GALNTL6: variants seen among roughly 807,000 people sequenced by gnomAD.
The protein encoded by GALNTL6 is polypeptide N-acetylgalactosaminyltransferase like 6, also known as polypeptide N-acetylgalactosaminyltransferase-like 6.
A neutral mutation model predicts 73.7 loss-of-function variants in GALNTL6; 46 were observed. That is an observed-to-expected ratio of 0.62 (90% CI 0.49 to 0.80). GALNTL6 has a LOEUF of 0.80. Ranked by LOEUF, GALNTL6 falls within the 30% of genes least tolerant of loss-of-function variation. GALNTL6 has a pLI of 0.00. For missense variants in GALNTL6, 604 were observed against 755.0 expected (o/e 0.80, Z 2.34); for synonymous variants, 259 against 263.7 (o/e 0.98, Z 0.17).
At chr4:172,588,338 A>C (rs905322074) in intron 5 of GALNTL6, among the ~76,000 whole-genome samples, 1 of 152,242 alleles carries the variant, frequency 6.6e-6, no homozygotes. Flanking sequence ...TCATGCCTGC[A>C]ATCCCAGCAC....
chr4:172,689,788 A>C (rs1052977895), intron 5 of GALNTL6, among the ~76,000 whole-genome samples: 3 of 152,224 alleles, frequency 2.0e-5, no homozygotes, highest in Non-Finnish European at 2.9e-5. Context: ...AGCCATCCCA[A>C]GTAGAGCATA....
chr4:172,811,017 A>G (rs1295981411), intron 6 of GALNTL6, among the ~76,000 whole-genome samples: 1 of 152,042 alleles, frequency 6.6e-6, no homozygotes, highest in African/African-American at 2.4e-5. Context: ...CACAACCCAC[A>G]TTTTCTCATT....
At chr4:172,379,601 A>C (rs193087040) in intron 5 of GALNTL6, among the ~76,000 whole-genome samples, 10 of 150,994 alleles carry the variant, frequency 6.6e-5, no homozygotes, top group Admixed American at 2.0e-4. Flanking sequence ...GATCACCAAA[A>C]AAAGGTGGGA....
At chr4:172,835,783 A>G (rs976004395) in intron 7 of GALNTL6, among the ~76,000 whole-genome samples, 3 of 152,220 alleles carry the variant, frequency 2.0e-5, no homozygotes, top group African/African-American at 7.2e-5. Context: ...GAGTAAGCAG[A>G]TAAGTTAGAG....
Position 172,096,084 on chromosome 4 carries a change from C to CTGTGTTTG in GALNTL6, c.139-133567_139-133566insTTGTGTGT, listed in dbSNP as rs1732345774. ...TTTCGATTTCTCTCTCTCTCTCTTT[C>CTGTGTTTG]TGTGTGTGTGTGTGTGTGTGTGTGT... On this transcript the variant is annotated intron_variant, in intron 2 of 12. Transcript: ENST00000506823. Among the ~76,000 whole-genome samples, 5 of 147,078 alleles carry CTGTGTTTG rather than the reference C, an allele frequency of 3.4e-5. 1 individual carries two copies.
At chr4:171,846,000 T>A (rs540661238) in intron 2 of GALNTL6, among the ~76,000 whole-genome samples, 1 of 152,344 alleles carries the variant, frequency 6.6e-6, no homozygotes, top group South Asian at 2.1e-4. Flanking sequence ...GGTTTCAGTA[T>A]ACTTTGAGTT....
chr4:172,658,700 G>A (rs1314161904), intron 5 of GALNTL6, among the ~76,000 whole-genome samples: 1 of 152,074 alleles, frequency 6.6e-6, no homozygotes. Flanking sequence ...AAAAGATGAG[G>A]TGGCCCCAGC....
intron 7 of GALNTL6, among the ~76,000 whole-genome samples, chr4:172,836,626 C>T (rs965634840): frequency 2.0e-5 from 3 of 152,168 alleles, no homozygotes; most frequent in African/African-American, 4.8e-5. Context: ...ATTGAAAAGT[C>T]ATTATCAATT....
intron 2 of GALNTL6, among the ~76,000 whole-genome samples, chr4:171,883,819 T>C (rs923465687): frequency 1.3e-5 from 2 of 151,976 alleles, no homozygotes; most frequent in African/African-American, 4.8e-5. Context: ...GGCTAATTTT[T>C]TGTATTTTTA....
intron 2 of GALNTL6, among the ~76,000 whole-genome samples, chr4:171,854,232 C>T (rs936979679): frequency 9.2e-5 from 14 of 152,176 alleles, no homozygotes; most frequent in African/African-American, 3.4e-4. Context: ...CTGCACCCAT[C>T]CTTTCTCCTT....
At chr4:172,604,659 A>G (rs573793152) in intron 5 of GALNTL6, among the ~76,000 whole-genome samples, 5 of 152,238 alleles carry the variant, frequency 3.3e-5, no homozygotes, top group Non-Finnish European at 7.3e-5. Flanking sequence ...TTTGAAAATA[A>G]GAACGATTTT....
intron 7 of GALNTL6, 25 bp downstream of exon 7, chr4:172,813,748 C>A: frequency 6.4e-7 from 1 of 1,566,840 alleles, no homozygotes; most frequent in Non-Finnish European, 8.7e-7. Flanking sequence ...AGGGAGGGGC[C>A]GAGGGGGTGA....
At chr4:172,589,713 A>C (rs1286940106) in intron 5 of GALNTL6, among the ~76,000 whole-genome samples, 1 of 152,194 alleles carries the variant, frequency 6.6e-6, no homozygotes, top group Non-Finnish European at 1.5e-5. Context: ...ATTTTCCTAC[A>C]TCTCCCAGCT....
chr4:173,018,230 A>G (rs558180286), intron 11 of GALNTL6, among the ~76,000 whole-genome samples: 1 of 152,340 alleles, frequency 6.6e-6, no homozygotes, highest in South Asian at 2.1e-4. Context: ...GGAAATTTCT[A>G]TTAATTTCTA....
intron 5 of GALNTL6, among the ~76,000 whole-genome samples, chr4:172,598,645 A>T (rs1304014893): frequency 2.0e-5 from 3 of 151,900 alleles, no homozygotes; most frequent in Non-Finnish European, 4.4e-5. Flanking sequence ...GATGGATTTT[A>T]AAAGTTTTAA....
At chr4:171,915,481 A>G (rs1271239342) in intron 2 of GALNTL6, among the ~76,000 whole-genome samples, 3 of 152,174 alleles carry the variant, frequency 2.0e-5, no homozygotes, top group African/African-American at 7.2e-5. Context: ...GATTCTAAAT[A>G]AAATATTTTT....
intron 5 of GALNTL6, among the ~76,000 whole-genome samples, chr4:172,566,828 A>G (rs143091382): frequency 3.3e-4 from 50 of 152,226 alleles, no homozygotes; most frequent in African/African-American, 1.2e-3. Flanking sequence ...ATGACATTGG[A>G]GGTACTGCAA....
At chr4:172,196,858 G>C (rs1735788167) in intron 2 of GALNTL6, among the ~76,000 whole-genome samples, 1 of 152,230 alleles carries the variant, frequency 6.6e-6, no homozygotes, top group African/African-American at 2.4e-5. Context: ...AAAGCTGGAA[G>C]CATTCCCTTT....
intron 2 of GALNTL6, among the ~76,000 whole-genome samples, chr4:172,020,315 A>T (rs751118922): frequency 3.3e-5 from 5 of 151,942 alleles, no homozygotes; most frequent in Non-Finnish European, 5.9e-5. Context: ...AGATTACAGC[A>T]GAAATAAATA....
Sources: gnomAD v4.1 joint callset for allele counts (sites outside exome capture counted in the v4.1 genomes callset) on GRCh38, gnomAD v4.1.1 for gene constraint, MANE v1.5 for transcripts, NCBI Gene and HGNC (gene_info 2026-07-23, HGNC 2026-07-21) for gene names.